The following NACC2 variants were observed in gnomAD, a reference collection of about 807,000 sequenced individuals.
NACC2 encodes the protein NACC family member 2.
NACC2 carries 8 observed loss-of-function variants against 25.1 expected under a neutral mutation model. The ratio of observed to expected loss-of-function variants is 0.32; its 90% CI spans 0.19 to 0.57. NACC2 has a LOEUF of 0.57. NACC2 is among the 20% of genes least tolerant of loss of function. The pLI, the probability that NACC2 is intolerant of heterozygous loss-of-function variation, is 0.89. For synonymous variants in NACC2, 435 were observed against 294.7 expected (o/e 1.48, Z -4.88); for missense variants, 644 against 650.2 (o/e 0.99, Z 0.10).
At chr9:136,091,619 T>C (rs538058367) in intron 1 of NACC2, among the ~76,000 whole-genome samples, 12 of 152,180 alleles carry the variant, frequency 7.9e-5, no homozygotes, top group Non-Finnish European at 1.5e-4. Flanking sequence ...GCCTGCCCAC[T>C]GCGCTCTGCT....
intron 2 of NACC2, among the ~76,000 whole-genome samples, chr9:136,036,101 A>G (rs1840548230): frequency 6.6e-6 from 1 of 152,232 alleles, no homozygotes; most frequent in Non-Finnish European, 1.5e-5. Flanking sequence ...CTGACAAAGG[A>G]TGCCAATTCA....
chr9:136,047,938 C>G (rs1840754402), intron 2 of NACC2, among the ~76,000 whole-genome samples: 1 of 152,190 alleles, frequency 6.6e-6, no homozygotes, highest in African/African-American at 2.4e-5. Context: ...CCAAACACAC[C>G]AAGGCCCAAG....
At chr9:136,070,574 T>C (rs1325409751) in intron 1 of NACC2, among the ~76,000 whole-genome samples, 11 of 150,822 alleles carry the variant, frequency 7.3e-5, no homozygotes, top group Non-Finnish European at 1.5e-5. Flanking sequence ...ACCACTTAGG[T>C]GGGGCTGAGA....
chr9:136,055,315 G>A lies in NACC2; in HGVS notation c.-59-4735C>T, dbSNP rs1322960314. The stretch of plus-strand genomic sequence containing the variant: ...CCGGCAGGATTCACACAAGGACACA[G>A]GTTACAAGGTTGGTGCCAGGCCAGG... On this transcript the variant is annotated intron_variant, in intron 1 of 5. Transcript: ENST00000277554. The surrounding 1 kb of genome is among the most constrained non-coding windows in gnomAD (Gnocchi z 4.9). Among the ~76,000 whole-genome samples, 4 of 152,168 alleles carry A rather than the reference G, an allele frequency of 2.6e-5. No individual in the cohort carries two copies. Among genetic ancestry groups the A allele is most frequent in the Admixed American group, 2.0e-4 (3 of 15,284 alleles).
rs372250714 is a variant in NACC2, at chr9:136,067,139, G to A, written c.-59-16559C>T. ...CGTGGTGGTTCATGCCTGTAATCCC[G>A]GCTACTCGGGAGGCTGAGGCAGGAG... On this transcript the variant is annotated intron_variant, in intron 1 of 5. Transcript: ENST00000277554. Among the ~76,000 whole-genome samples, 442 of 151,680 alleles carry A rather than the reference G, an allele frequency of 2.9e-3. 2 individuals are homozygous for A. The highest frequency in any genetic ancestry group is 9.9e-3 in the African/African-American group (411 of 41,314).
chr9:136,033,812 T>C (rs996292906), intron 2 of NACC2, among the ~76,000 whole-genome samples: 11 of 151,512 alleles, frequency 7.3e-5, no homozygotes, highest in Admixed American at 2.0e-4. Context: ...CGCCCATGGA[T>C]TGGAAGACCC....
intron 1 of NACC2, among the ~76,000 whole-genome samples, chr9:136,059,504 C>T (rs570909572): frequency 4.6e-5 from 7 of 152,252 alleles, no homozygotes; most frequent in African/African-American, 1.4e-4. Context: ...CCACCCGGGC[C>T]GCCTCCTTGG....
At chr9:136,046,852 C>T (rs1361793872) in intron 2 of NACC2, among the ~76,000 whole-genome samples, 3 of 152,120 alleles carry the variant, frequency 2.0e-5, no homozygotes, top group African/African-American at 7.2e-5. Context: ...GGGGCTGTGC[C>T]GGGGACAAAA....
chr9:136,023,759 G>A (rs558174715), intron 2 of NACC2, among the ~76,000 whole-genome samples: 1 of 152,250 alleles, frequency 6.6e-6, no homozygotes, highest in Non-Finnish European at 1.5e-5. Context: ...CCAGCCATAG[G>A]CACAGGTTGA....
chr9:136,078,152 G>C (rs142221492), intron 1 of NACC2, among the ~76,000 whole-genome samples: 2 of 152,196 alleles, frequency 1.3e-5, no homozygotes, highest in Non-Finnish European at 2.9e-5. Flanking sequence ...CAGTGGTAGA[G>C]AGTGGGATGG....
intron 1 of NACC2, among the ~76,000 whole-genome samples, chr9:136,068,243 A>G (rs1416277315): frequency 1.3e-5 from 2 of 152,124 alleles, no homozygotes; most frequent in African/African-American, 2.4e-5. Flanking sequence ...CATGCCTGTA[A>G]CCCCAGCACT....
intron 1 of NACC2, among the ~76,000 whole-genome samples, chr9:136,060,211 T>C (rs1000239619): frequency 6.6e-6 from 1 of 152,188 alleles, no homozygotes; most frequent in East Asian, 1.9e-4. Context: ...AGTGTGAGAA[T>C]CTTAACCACA....
chr9:136,060,345 T>A (rs765163736), intron 1 of NACC2, among the ~76,000 whole-genome samples: 1 of 152,248 alleles, frequency 6.6e-6, no homozygotes, highest in Non-Finnish European at 1.5e-5. Flanking sequence ...TGGAGCCGGC[T>A]GGGCTGCCTT....
At chr9:136,088,967 A>G (rs999668793) in intron 1 of NACC2, among the ~76,000 whole-genome samples, 1 of 152,248 alleles carries the variant, frequency 6.6e-6, no homozygotes, top group Non-Finnish European at 1.5e-5. Context: ...TGATCTCGGC[A>G]TCGCGTGGAG....
chr9:136,011,762 G>A lies in NACC2; in HGVS notation c.1518C>T (p.Ile506=), dbSNP rs752924990. 4 of 1,539,250 alleles carry A rather than the reference G, an allele frequency of 2.6e-6. No homozygotes were observed. The highest frequency in any genetic ancestry group is 1.7e-4 in the Middle Eastern group (1 of 5,824). Residue 506 remains isoleucine (I), a synonymous_variant, in exon 6 of 6, where the codon ATC becomes ATT. Transcript: ENST00000277554. ...YAERRGDAAT[I]VALRTDAVNV... is the part of the protein sequence containing the mutation. Reference sequence around the variant, plus strand: ...TCACGGCGTCAGTTCTCAGAGCCACGATGGTGGCGGCGTCGCCCCGCCGCT... The same window carrying A: ...TCACGGCGTCAGTTCTCAGAGCCACAATGGTGGCGGCGTCGCCCCGCCGCT...
intron 2 of NACC2, among the ~76,000 whole-genome samples, chr9:136,029,978 CAG>C (rs937867886): frequency 4.8e-4 from 73 of 152,176 alleles, no homozygotes; most frequent in African/African-American, 1.5e-3. Flanking sequence ...CCACCGGCCA[CAG>C]AGGTTTCTGG....
At chr9:136,023,120 AGG>A (rs1840323574) in intron 2 of NACC2, among the ~76,000 whole-genome samples, 1 of 37,394 alleles carries the variant, frequency 2.7e-5, no homozygotes, top group Admixed American at 2.9e-4. Flanking sequence ...AGGGAGGGGG[AGG>A]AGGGAGGGAG....
chr9:136,088,195 G>T (rs1349685127), intron 1 of NACC2, among the ~76,000 whole-genome samples: 1 of 152,200 alleles, frequency 6.6e-6, no homozygotes, highest in Non-Finnish European at 1.5e-5. Context: ...CTCTAAACGT[G>T]CTCTGTCCGG....
chr9:136,078,475 G>A (rs192853301), intron 1 of NACC2, among the ~76,000 whole-genome samples: 8 of 152,288 alleles, frequency 5.3e-5, no homozygotes, highest in Admixed American at 3.3e-4. Flanking sequence ...TAAAGTAAGC[G>A]CAGGAGAAAT....
Sources: allele counts gnomAD v4.1 joint callset (sites outside exome capture counted in the v4.1 genomes callset), GRCh38; gene constraint gnomAD v4.1.1; non-coding constraint Gnocchi (gnomAD v3.1); transcripts MANE v1.5; gene names NCBI Gene and HGNC (gene_info 2026-07-23, HGNC 2026-07-21).